CFAP92: variants seen among roughly 807,000 people sequenced by gnomAD.
The protein encoded by CFAP92 is cilia and flagella associated protein 92 (putative), also known as uncharacterized protein CFAP92.
In CFAP92, 86 loss-of-function variants were observed where a neutral mutation model predicts 106.3. That is an observed-to-expected ratio of 0.81 (90% CI 0.68 to 0.97). The LOEUF is 0.97. CFAP92 is among the 50% of genes least tolerant of loss of function. CFAP92 has a pLI of 0.00. For missense variants in CFAP92, 1,204 were observed against 1,283.8 expected (o/e 0.94, Z 0.95); for synonymous variants, 477 against 506.4 (o/e 0.94, Z 0.78).
upstream of CFAP92, among the ~76,000 whole-genome samples, chr3:128,998,308 G>A (rs539115174): frequency 1.3e-5 from 2 of 152,252 alleles, no homozygotes; most frequent in South Asian, 2.1e-4. Flanking sequence ...ATGAAGGTCC[G>A]ATTCATCATT....
chr3:128,989,289 T>TAA (rs56776852), intron 2 of CFAP92, among the ~76,000 whole-genome samples: 1 of 122,256 alleles, frequency 8.2e-6, no homozygotes. Context: ...AAGAAGCAGG[T>TAA]AAAAAAAAAA....
At chr3:128,925,715 T>A (rs181951821) in intron 12 of CFAP92, among the ~76,000 whole-genome samples, 1 of 152,126 alleles carries the variant, frequency 6.6e-6, no homozygotes, top group East Asian at 1.9e-4. Context: ...TAGAAACCCA[T>A]GGCAAGTTAA....
the CFAP92 span, among the ~76,000 whole-genome samples, chr3:129,012,798 TCC>T: frequency 6.6e-6 from 1 of 152,094 alleles, no homozygotes; most frequent in Admixed American, 6.6e-5. Context: ...CTCATGAACT[TCC>T]CCTTAGAAGT....
chr3:128,952,072 C>T (rs1044847621), intron 9 of CFAP92, among the ~76,000 whole-genome samples: 1 of 151,980 alleles, frequency 6.6e-6, no homozygotes. Context: ...GCTACACATG[C>T]AGTTTGGTGT....
At chr3:128,962,020 G>A (rs1451777238) in intron 9 of CFAP92, among the ~76,000 whole-genome samples, 1 of 152,130 alleles carries the variant, frequency 6.6e-6, no homozygotes, top group Non-Finnish European at 1.5e-5. Flanking sequence ...AGGAATGCCC[G>A]CAGCCCAGGA....
rs1347136468 is a variant in CFAP92, at chr3:128,975,975, C to T, written c.897-72G>A. ...GGGGCCAGATCTGAGAATCTATTTACTGATGGACTAAATGAGAGCAGATTT... is the reference window on the plus strand; with the variant it reads ...GGGGCCAGATCTGAGAATCTATTTATTGATGGACTAAATGAGAGCAGATTT... On this transcript the variant is annotated intron_variant, in intron 6 of 15. Coordinates refer to ENST00000645291, the MANE Select transcript of CFAP92 (RefSeq NM_001394090.1). The T allele has an allele frequency of 3.4e-6, 5 of 1,475,796 alleles. No homozygotes were observed. The Admixed American group carries it at 7.0e-5, about 21-fold the overall frequency. The allele number at this position is 1,475,796 out of a possible 1,614,324, so 91.4% of individuals were successfully genotyped here.
In CFAP92 at chr3:128,915,583, G is replaced by C. The variant is rs1404424607; in HGVS notation, c.2917-20C>G. 1 of 1,466,470 alleles carries C rather than the reference G, an allele frequency of 6.8e-7. No individual in the cohort carries two copies. The highest frequency in any genetic ancestry group is 1.4e-5 in the African/African-American group (1 of 70,454). The allele number at this position is 1,466,470 out of a possible 1,614,324, so 90.8% of individuals were successfully genotyped here. A position where few individuals can be genotyped will look rare whatever the true frequency, so the allele number is the denominator to read the frequency against. On this transcript the variant is annotated intron_variant, in intron 13 of 15. Transcript: ENST00000645291. ...TGGCTCCTAGAAATGGGGGCAGACA[G>C]GTTGGGGTGGAAGGGCTAATAGCAA...
intron 11 of CFAP92, among the ~76,000 whole-genome samples, chr3:128,934,201 C>T (rs189457374): frequency 2.5e-4 from 38 of 152,296 alleles, no homozygotes; most frequent in African/African-American, 9.1e-4. Context: ...GCCCACAGGC[C>T]CCCTAGAGCC....
At chr3:128,927,115 A>G (rs902719047) in intron 12 of CFAP92, among the ~76,000 whole-genome samples, 3 of 152,058 alleles carry the variant, frequency 2.0e-5, no homozygotes, top group Admixed American at 2.0e-4. Flanking sequence ...AGAGAGAGAT[A>G]TTAGAGACTC....
intron 4 of CFAP92, among the ~76,000 whole-genome samples, chr3:128,984,791 T>C (rs1016110370): frequency 2.6e-5 from 4 of 152,240 alleles, no homozygotes; most frequent in Non-Finnish European, 5.9e-5. Flanking sequence ...GCAGGCTGAA[T>C]GCTAACAAGT....
the CFAP92 span, among the ~76,000 whole-genome samples, chr3:129,007,987 C>T: frequency 6.6e-6 from 1 of 152,226 alleles, no homozygotes; most frequent in Non-Finnish European, 1.5e-5. Context: ...GCATTCTTGG[C>T]AGGCACTGTC....
chr3:128,972,856 T>TGAA (rs1234986117), intron 7 of CFAP92, among the ~76,000 whole-genome samples: 2 of 146,904 alleles, frequency 1.4e-5, no homozygotes, highest in African/African-American at 5.0e-5. Flanking sequence ...ACTCAGTCCT[T>TGAA]GAAAAAAAAA....
the CFAP92 span, among the ~76,000 whole-genome samples, chr3:129,012,217 T>C: frequency 2.0e-5 from 3 of 152,266 alleles, no homozygotes; most frequent in East Asian, 5.8e-4. Context: ...TTTTCTCATC[T>C]GGAGAATAGG....
At chr3:129,020,900 T>C in the CFAP92 span, among the ~76,000 whole-genome samples, 2 of 152,088 alleles carry the variant, frequency 1.3e-5, no homozygotes, top group Admixed American at 1.3e-4. Flanking sequence ...AGCCTCCAAG[T>C]CCAAACCCAC....
At chr3:129,004,470 TCCATCCACTCACTCACCCAC>T (rs1444373545), upstream of CFAP92, among the ~76,000 whole-genome samples, 2 of 135,676 alleles carry the variant, frequency 1.5e-5, no homozygotes, top group Non-Finnish European at 3.2e-5. Flanking sequence ...CATCTATTCA[TCCATCCACTCACTCACCCAC>T]CCATCCACTC....
chr3:128,975,423 A>G (rs1479919651), intron 7 of CFAP92, among the ~76,000 whole-genome samples: 1 of 142,216 alleles, frequency 7.0e-6, no homozygotes, highest in African/African-American at 2.8e-5. Context: ...AGATGGATGG[A>G]TAGGGATGGA....
chr3:128,993,919 C>T (rs1008614757), intron 1 of CFAP92, 61 bp downstream of exon 1: 2 of 980,244 alleles, frequency 2.0e-6, no homozygotes, highest in African/African-American at 1.7e-5. Context: ...GGAAGAGTCC[C>T]GGGCTGCGGC....
chr3:128,913,317 G>A (rs1294438167), intron 15 of CFAP92, among the ~76,000 whole-genome samples: 1 of 152,214 alleles, frequency 6.6e-6, no homozygotes, highest in African/African-American at 2.4e-5. Flanking sequence ...TCCTTCTCAG[G>A]AGATGATGGG....
At chr3:128,992,794 A>G (rs1944296334) in intron 2 of CFAP92, among the ~76,000 whole-genome samples, 1 of 152,064 alleles carries the variant, frequency 6.6e-6, no homozygotes, top group South Asian at 2.1e-4. Flanking sequence ...CTTCTGTAAA[A>G]AGCAGACAGA....
Sources: allele counts gnomAD v4.1 joint callset (sites outside exome capture counted in the v4.1 genomes callset), GRCh38; gene constraint gnomAD v4.1.1; transcripts MANE v1.5; gene names NCBI Gene and HGNC (gene_info 2026-07-23, HGNC 2026-07-21).